The following DENND1A variants were observed in gnomAD, a reference collection of about 807,000 sequenced individuals.
DENND1A encodes DENN domain-containing protein 1A.
A neutral mutation model predicts 113.7 loss-of-function variants in DENND1A; 51 were observed. The ratio of observed to expected loss-of-function variants is 0.45; its 90% confidence interval spans 0.36 to 0.57. The LOEUF (loss-of-function observed/expected upper bound fraction) is 0.57, where lower values mean the gene tolerates loss of function less well. DENND1A is among the 20% of genes least tolerant of loss of function. The probability of loss-of-function intolerance (pLI) is 0.00; values close to 1 mark genes in which losing one functional copy is unlikely to be tolerated. For missense variants in DENND1A, 1,258 were observed against 1,395.9 expected (o/e 0.90, Z 1.57); for synonymous variants, 565 against 570.8 (o/e 0.99, Z 0.14).
At chr9:123,543,177 C>A (rs1248555127) in intron 13 of DENND1A, among the ~76,000 whole-genome samples, 2 of 152,182 alleles carry the variant, frequency 1.3e-5, no homozygotes, top group African/African-American at 4.8e-5. Flanking sequence ...CAGCTGGTAT[C>A]CTAATTCCAT....
chr9:123,443,045 C>T (rs1020172134), intron 18 of DENND1A, among the ~76,000 whole-genome samples: 1 of 152,200 alleles, frequency 6.6e-6, no homozygotes, highest in African/African-American at 2.4e-5. Flanking sequence ...CATTCTCACA[C>T]TTAGTTCCCA....
At chr9:123,438,500 C>T (rs7868404) in intron 19 of DENND1A, among the ~76,000 whole-genome samples, 3,003 of 152,176 alleles carry the variant, frequency 0.02, 99 homozygotes, top group African/African-American at 0.069. Context: ...AGGCATCTCG[C>T]GGCTGTGGGT....
intron 12 of DENND1A, among the ~76,000 whole-genome samples, chr9:123,576,263 G>C (rs2058630514): frequency 6.6e-6 from 1 of 152,108 alleles, no homozygotes; most frequent in Non-Finnish European, 1.5e-5. Flanking sequence ...ATTACCAGCA[G>C]AATACCTCCA....
At chr9:123,430,703 G>A (rs1013984896) in intron 19 of DENND1A, among the ~76,000 whole-genome samples, 5 of 152,226 alleles carry the variant, frequency 3.3e-5, no homozygotes, top group Non-Finnish European at 7.3e-5. Flanking sequence ...AGAGCATCAG[G>A]AAGAATAGCT....
chr9:123,926,591 C>T (rs1290435461), intron 1 of DENND1A, among the ~76,000 whole-genome samples: 1 of 135,416 alleles, frequency 7.4e-6, no homozygotes, highest in Middle Eastern at 3.8e-3. Context: ...AAAAAAAGAA[C>T]TAAATAATCT....
chr9:123,505,510 A>G (rs1014531493), intron 13 of DENND1A, among the ~76,000 whole-genome samples: 16 of 152,254 alleles, frequency 1.1e-4, no homozygotes, highest in African/African-American at 3.9e-4. Flanking sequence ...TTAATTAGAT[A>G]TTGTATTTGG....
At chr9:123,645,012 T>C (rs1333316545) in intron 9 of DENND1A, among the ~76,000 whole-genome samples, 1 of 152,180 alleles carries the variant, frequency 6.6e-6, no homozygotes, top group African/African-American at 2.4e-5. Flanking sequence ...CACTGAAGTA[T>C]TTACATTAGA....
In DENND1A at chr9:123,383,673, T is replaced by C. The variant is rs1267355064; in HGVS notation, c.2001A>G (p.Pro667=). The change falls in exon 23 of 24, where the codon CCA becomes CCG. Residue 667 remains proline (P), a synonymous_variant. Transcript: ENST00000394215. ...LRAPKDLREQ[P]GTFDYQRLDL... ...GCCATACCTGATAGTCAAAGGTCCC[T>C]GGCTGCTCCCTCAGGTCTTTGGGGG... is the stretch of plus-strand genomic sequence containing the variant. 1.9e-6 allele frequency: 3 copies of C among 1,613,934 alleles called. No individual in the cohort carries two copies. The highest frequency in any genetic ancestry group is 1.1e-5 in the South Asian group (1 of 91,078).
chr9:123,420,945 C>T (rs2045239674), intron 19 of DENND1A, among the ~76,000 whole-genome samples: 1 of 151,470 alleles, frequency 6.6e-6, no homozygotes. Context: ...GAATAGGTGG[C>T]ATCCCATTGG....
At chr9:123,789,610 C>G (rs1832704830) in intron 3 of DENND1A, among the ~76,000 whole-genome samples, 1 of 152,100 alleles carries the variant, frequency 6.6e-6, no homozygotes, top group Admixed American at 6.6e-5. Flanking sequence ...CCCACGCAGA[C>G]AACTGGCCCA....
intron 19 of DENND1A, among the ~76,000 whole-genome samples, chr9:123,417,303 C>T (rs1422036341): frequency 2.0e-5 from 3 of 152,246 alleles, no homozygotes; most frequent in Non-Finnish European, 2.9e-5. Context: ...TGTGTGCTAT[C>T]AGCAAGGTTC....
chr9:123,489,020 T>A (rs1430420123), intron 13 of DENND1A, among the ~76,000 whole-genome samples: 1 of 152,104 alleles, frequency 6.6e-6, no homozygotes, highest in Non-Finnish European at 1.5e-5. Flanking sequence ...CGAATAAAGA[T>A]TTCCCCTCTG....
chr9:123,415,251 C>G (rs968567681), intron 19 of DENND1A, among the ~76,000 whole-genome samples: 2 of 152,110 alleles, frequency 1.3e-5, no homozygotes, highest in Non-Finnish European at 2.9e-5. Context: ...GTTTTCCCTG[C>G]GGGTTGTCGG....
chr9:123,578,989 C>CA, intron 12 of DENND1A, among the ~76,000 whole-genome samples: 1 of 152,222 alleles, frequency 6.6e-6, no homozygotes, highest in Admixed American at 6.5e-5. Context: ...TATGAAACAA[C>CA]ATGTAAATTT....
At chr9:123,887,915 T>C (rs1450411115) in intron 1 of DENND1A, among the ~76,000 whole-genome samples, 1 of 152,206 alleles carries the variant, frequency 6.6e-6, no homozygotes, top group Non-Finnish European at 1.5e-5. Context: ...TATTAGAATG[T>C]GCTCAAGGTT....
chr9:123,732,417 A>G (rs1217551943), intron 5 of DENND1A, among the ~76,000 whole-genome samples: 2 of 152,226 alleles, frequency 1.3e-5, no homozygotes, highest in East Asian at 1.9e-4. Flanking sequence ...GCATTTTACT[A>G]TGTGAAAGAA....
chr9:123,587,966 A>C (rs2059261601), intron 11 of DENND1A, among the ~76,000 whole-genome samples: 1 of 152,116 alleles, frequency 6.6e-6, no homozygotes, highest in Non-Finnish European at 1.5e-5. Context: ...CTTACATAAA[A>C]TACTACTTTC....
chr9:123,476,759 TTAATTCTCG>T (rs1339304354), intron 13 of DENND1A, among the ~76,000 whole-genome samples: 1 of 152,228 alleles, frequency 6.6e-6, no homozygotes, highest in Non-Finnish European at 1.5e-5. Flanking sequence ...ATTCACTCAT[TTAATTCTCG>T]TAACCACCCA....
intron 2 of DENND1A, among the ~76,000 whole-genome samples, chr9:123,823,236 G>A (rs1307589001): frequency 6.6e-6 from 1 of 152,196 alleles, no homozygotes; most frequent in Non-Finnish European, 1.5e-5. Context: ...TTAACAAAGA[G>A]ATTCAACTTT....
Sources: gnomAD v4.1 joint callset for allele counts (sites outside exome capture counted in the v4.1 genomes callset) on GRCh38, gnomAD v4.1.1 for gene constraint, MANE v1.5 for transcripts, NCBI Gene and HGNC (gene_info 2026-07-23, HGNC 2026-07-21) for gene names.